GALNT13: variants seen among roughly 807,000 people sequenced by gnomAD.
GALNT13 encodes UDP-GalNAc:polypeptide N-acetylgalactosaminyltransferase 13.
GALNT13 carries 28 observed loss-of-function variants against 64.2 expected under a neutral mutation model. The observed-to-expected ratio is 0.44, with a 90% confidence interval of 0.32 to 0.60. GALNT13 has a LOEUF of 0.60. Among genes scored for constraint, GALNT13 ranks in the 20% least tolerant of loss-of-function variants. The pLI is 0.05. For synonymous variants in GALNT13, 214 were observed against 224.6 expected, an observed-to-expected ratio of 0.95 and a Z score of 0.42; for missense variants, 577 against 669.8, an observed-to-expected ratio of 0.86 and a Z score of 1.53.
At chr2:154,219,611 C>G (rs1291251369) in intron 4 of GALNT13, among the ~76,000 whole-genome samples, 1 of 152,080 alleles carries the variant, frequency 6.6e-6, no homozygotes, top group Non-Finnish European at 1.5e-5. Flanking sequence ...CACTTCAGCT[C>G]TTTGTTTATG....
chr2:153,646,925 C>A, the GALNT13 span, among the ~76,000 whole-genome samples: 1 of 152,138 alleles, frequency 6.6e-6, no homozygotes, highest in African/African-American at 2.4e-5. Context: ...AATAAACATA[C>A]GTGTCCATGT....
At chr2:154,422,119 G>T (rs1197020756) in intron 11 of GALNT13, among the ~76,000 whole-genome samples, 1 of 152,100 alleles carries the variant, frequency 6.6e-6, no homozygotes, top group East Asian at 1.9e-4. Flanking sequence ...GAAGAGCTAA[G>T]ATTACAATAG....
the GALNT13 span, among the ~76,000 whole-genome samples, chr2:153,608,867 TATA>T: frequency 6.8e-6 from 1 of 147,742 alleles, no homozygotes; most frequent in Non-Finnish European, 1.5e-5. Flanking sequence ...ATTTATATAA[TATA>T]AGAGAAATAG....
At chr2:153,858,514 G>C in the GALNT13 span, among the ~76,000 whole-genome samples, 1 of 152,150 alleles carries the variant, frequency 6.6e-6, no homozygotes, top group Non-Finnish European at 1.5e-5. Flanking sequence ...CTGGTTCACT[G>C]CAGTCCAAAA....
the GALNT13 span, among the ~76,000 whole-genome samples, chr2:153,843,756 A>C: frequency 2.0e-5 from 3 of 152,192 alleles, no homozygotes; most frequent in Non-Finnish European, 4.4e-5. Context: ...TTGGGTAAAC[A>C]TCCCATTCCC....
chr2:153,660,250 C>A, the GALNT13 span, among the ~76,000 whole-genome samples: 17 of 152,092 alleles, frequency 1.1e-4, no homozygotes, highest in East Asian at 1.9e-3. Flanking sequence ...TGAGGGGTAA[C>A]CAGAATGTGA....
the GALNT13 span, among the ~76,000 whole-genome samples, chr2:153,640,503 G>T: frequency 6.6e-6 from 1 of 152,150 alleles, no homozygotes; most frequent in Admixed American, 6.5e-5. Flanking sequence ...TCAGGGCCCG[G>T]CATGGTGGCT....
At chr2:153,569,449 T>C in the GALNT13 span, among the ~76,000 whole-genome samples, 1 of 152,012 alleles carries the variant, frequency 6.6e-6, no homozygotes. Context: ...TGTAATTTTA[T>C]AGAAGTCCTC....
the GALNT13 span, among the ~76,000 whole-genome samples, chr2:153,832,904 C>T: frequency 1.3e-5 from 2 of 152,180 alleles, no homozygotes; most frequent in Non-Finnish European, 2.9e-5. Context: ...TATGTCCCAA[C>T]AAGGCTTTAT....
the GALNT13 span, among the ~76,000 whole-genome samples, chr2:153,539,996 A>C: frequency 2.6e-5 from 4 of 152,356 alleles, no homozygotes. Flanking sequence ...CCAGCTGCAG[A>C]AACGTGCACA....
At chr2:153,133,165 C>T in the GALNT13 span, among the ~76,000 whole-genome samples, 3 of 151,850 alleles carry the variant, frequency 2.0e-5, no homozygotes, top group Non-Finnish European at 2.9e-5. Context: ...AGACTCAAAG[C>T]TCCCTTTCTG....
chr2:153,711,678 A>G, the GALNT13 span, among the ~76,000 whole-genome samples: 4 of 152,160 alleles, frequency 2.6e-5, no homozygotes. Flanking sequence ...AATTCACAAC[A>G]AAGATCTGTA....
intron 12 of GALNT13, among the ~76,000 whole-genome samples, chr2:154,448,433 A>G (rs952413681): frequency 2.0e-5 from 3 of 152,036 alleles, no homozygotes; most frequent in Non-Finnish European, 4.4e-5. Flanking sequence ...CTGACAAAGA[A>G]CATGATTCCT....
At chr2:153,166,621 A>ATGTGTGTGTGTGTGTG in the GALNT13 span, among the ~76,000 whole-genome samples, 60 of 122,746 alleles carry the variant, frequency 4.9e-4, 2 homozygotes, top group South Asian at 3.2e-3. Flanking sequence ...TGCCTACTGC[A>ATGTGTGTGTGTGTGTG]TGTGTGTGTG....
chr2:153,834,039 C>T, the GALNT13 span, among the ~76,000 whole-genome samples: 6 of 152,210 alleles, frequency 3.9e-5, no homozygotes, highest in South Asian at 2.1e-4. Flanking sequence ...TTTAGGCATA[C>T]TCAATTTTGT....
chr2:153,255,970 T>A, the GALNT13 span, among the ~76,000 whole-genome samples: 6 of 152,198 alleles, frequency 3.9e-5, no homozygotes, highest in African/African-American at 1.4e-4. Flanking sequence ...TCGAGGAATA[T>A]CTTTGTGGCG....
chr2:153,635,404 A>ATATATATACACATATATATGTG, the GALNT13 span, among the ~76,000 whole-genome samples: 4 of 128,404 alleles, frequency 3.1e-5, no homozygotes, highest in South Asian at 2.3e-4. Context: ...ATATGTATAT[A>ATATATATACACATATATATGTG]TATATATATA....
the GALNT13 span, among the ~76,000 whole-genome samples, chr2:153,388,428 G>A: frequency 6.6e-6 from 1 of 152,060 alleles, no homozygotes; most frequent in South Asian, 2.1e-4. Flanking sequence ...AAGGCAGAGA[G>A]GCATGCTGGC....
the GALNT13 span, among the ~76,000 whole-genome samples, chr2:153,369,453 A>G: frequency 1.3e-5 from 2 of 152,126 alleles, no homozygotes; most frequent in Admixed American, 1.3e-4. Context: ...TGAATTACCA[A>G]TATCAGAAAC....
Sources: allele counts gnomAD v4.1 joint callset (sites outside exome capture counted in the v4.1 genomes callset), GRCh38; gene constraint gnomAD v4.1.1; transcripts MANE v1.5; gene names NCBI Gene and HGNC (gene_info 2026-07-23, HGNC 2026-07-21).